ZNF875: variants seen among roughly 807,000 people sequenced by gnomAD.
The protein encoded by ZNF875 is zinc finger protein 875, also known as HKR1, GLI-Kruppel zinc finger family member.
Under a neutral mutation model 11.2 loss-of-function variants are expected in ZNF875, and 14 were observed. The ratio of observed to expected loss-of-function variants is 1.26; its 90% CI spans 0.83 to 1.96. ZNF875 has a LOEUF of 1.96. Ranked by LOEUF, ZNF875 falls within the 30% of genes most tolerant of loss-of-function variation. ZNF875 has a pLI of 0.00. For synonymous variants in ZNF875, 301 were observed against 281.1 expected (o/e 1.07, Z -0.71); for missense variants, 752 against 760.4 (o/e 0.99, Z 0.13).
intron 2 of ZNF875, among the ~76,000 whole-genome samples, chr19:37,341,799 A>G (rs2035776729): frequency 6.6e-6 from 1 of 152,190 alleles, no homozygotes; most frequent in Non-Finnish European, 1.5e-5. Flanking sequence ...ATCCTTTTTG[A>G]GTCAGATACC....
chr19:37,345,316 G>T (rs541008409), intron 2 of ZNF875, among the ~76,000 whole-genome samples: 111 of 152,100 alleles, frequency 7.3e-4, no homozygotes, highest in Middle Eastern at 3.4e-3. Flanking sequence ...GGACTGGCTG[G>T]GTTTGGGGAC....
In ZNF875 at chr19:37,347,274, A is replaced by G. The variant is rs750597615; in HGVS notation, c.118A>G (p.Arg40Gly). The G allele has an allele frequency of 3.1e-6, 5 of 1,614,150 alleles. No individual in the cohort carries two copies. The South Asian group carries it at 4.4e-5, about 14-fold the overall frequency. ...LLSPAQRTLH[R>G]EVMLETYNHL... ...GAGCCCTGCTCAGAGGACCCTGCAC[A>G]GGGAGGTGATGCTGGAGACTTATAA... Residue 40 changes from arginine (R) to glycine (G), a missense_variant, in exon 3 of 5, where the codon AGG becomes GGG. Transcript: ENST00000392153.
At chr19:37,329,489 A>T (rs73025463) in intron 4 of ZNF875, among the ~76,000 whole-genome samples, 1,777 of 152,210 alleles carry the variant, frequency 0.012, 15 homozygotes, top group Middle Eastern at 0.021. Flanking sequence ...CTCCTCGTTG[A>T]CTTCACAGTG....
chr19:37,325,549 A>AT (rs2145737855), intron 4 of ZNF875, among the ~76,000 whole-genome samples: 1 of 144,444 alleles, frequency 6.9e-6, no homozygotes, highest in East Asian at 2.1e-4. Flanking sequence ...GAAATCATTT[A>AT]CTTTTTTTTT....
intron 4 of ZNF875, among the ~76,000 whole-genome samples, chr19:37,327,155 G>T (rs545121847): frequency 6.6e-6 from 1 of 151,748 alleles, no homozygotes; most frequent in South Asian, 2.1e-4. Context: ...ACCATGCCCA[G>T]CTAATTTTTG....
Position 37,352,116 on chromosome 19 carries a change from G to A in ZNF875, c.256+4244G>A, listed in dbSNP as rs554570994. Among the ~76,000 whole-genome samples, 47 of 152,012 alleles carry A rather than the reference G, an allele frequency of 3.1e-4. No homozygotes were observed. The South Asian group carries it at 9.1e-3, about 30-fold the overall frequency. ...GCACATGTACATTAATAATTGTTAC[G>A]TCTTCTTATTGACCTTTTTATCATT... On this transcript the variant is annotated intron_variant, in intron 4 of 4. Coordinates refer to ENST00000392153, the MANE Select transcript of ZNF875 (RefSeq NM_001353803.2).
chr19:37,341,809 C>G (rs184052614), intron 2 of ZNF875, among the ~76,000 whole-genome samples: 77 of 152,272 alleles, frequency 5.1e-4, no homozygotes, highest in Non-Finnish European at 9.7e-4. Flanking sequence ...AGTCAGATAC[C>G]TGTATACTAA....
chr19:37,362,925 G>A lies in ZNF875; in HGVS notation c.1073G>A (p.Arg358Lys), dbSNP rs147086655. 1.2e-5 allele frequency: 19 copies of A among 1,614,176 alleles called. No homozygotes were observed. The highest frequency in any genetic ancestry group is 1.4e-5 in the Non-Finnish European group (17 of 1,180,036). Residue 358 changes from arginine to lysine, a missense_variant, in exon 5 of 5, where the codon AGG becomes AAG. Arg to Lys is a conservative substitution (Grantham distance 26). Coordinates refer to ENST00000392153, the MANE Select transcript of ZNF875 (RefSeq NM_001353803.2). ...AAGTCAAACCTCATTACCCACCAGA[G>A]GGCGCACACTGGGGAGAAGCCTTAT... ...SLKSNLITHQ[R>K]AHTGEKPYVC...
chr19:37,316,432 C>A (rs2030193878), upstream of ZNF875, among the ~76,000 whole-genome samples: 1 of 152,168 alleles, frequency 6.6e-6, no homozygotes, highest in Non-Finnish European at 1.5e-5. Context: ...TGCAATATCG[C>A]GATCTCGGCT....
Position 37,335,153 on chromosome 19 carries a change from C to G in ZNF875, c.-56-16C>G. The G allele has an allele frequency of 2.9e-6, 2 of 698,338 alleles. No individual in the cohort carries two copies. Among genetic ancestry groups the G allele is most frequent in the Non-Finnish European group, 5.2e-6 (2 of 381,690 alleles). 43.3% of individuals were successfully genotyped at this position (698,338 alleles called of 1,614,324 possible). Reference sequence around the variant, plus strand: ...GTTTCCACCTAGGCCACTCTTATTTCTCTTCACATCCCCAGATCTGTCTTC... The same window carrying G: ...GTTTCCACCTAGGCCACTCTTATTTGTCTTCACATCCCCAGATCTGTCTTC... On this transcript the variant is annotated splice_polypyrimidine_tract_variant and intron_variant, in intron 1 of 4. Transcript: ENST00000392153.
At chr19:37,327,788 C>T (rs1484580645) in intron 4 of ZNF875, among the ~76,000 whole-genome samples, 1 of 150,466 alleles carries the variant, frequency 6.6e-6, no homozygotes, top group African/African-American at 2.4e-5. Flanking sequence ...ATCATACTCG[C>T]TCGTATCAAA....
upstream of ZNF875, among the ~76,000 whole-genome samples, chr19:37,332,645 C>A (rs912161911): frequency 6.6e-6 from 1 of 152,190 alleles, no homozygotes; most frequent in Non-Finnish European, 1.5e-5. Context: ...GTTTGCAGGC[C>A]AGTTTCTTCT....
chr19:37,336,692 A>G (rs2034509323), intron 2 of ZNF875, among the ~76,000 whole-genome samples: 2 of 149,016 alleles, frequency 1.3e-5, no homozygotes, highest in South Asian at 2.2e-4. Flanking sequence ...GCGAATCACG[A>G]GGTCAGGAGA....
intron 2 of ZNF875, chr19:37,346,865 CTTTT>C (rs10577168): frequency 1.0e-3 from 219 of 213,980 alleles, no homozygotes; most frequent in South Asian, 4.0e-3. Context: ...ACCTCTCATT[CTTTT>C]TTTTTTTTTT....
At position 37,363,043 on chromosome 19, in the gene ZNF875, G is replaced by A. The variant is rs781182317; in HGVS notation, c.1191G>A (p.Arg397=). Residue 397 remains arginine, a synonymous_variant, in exon 5 of 5, where the codon AGG becomes AGA. Coordinates refer to ENST00000392153, the MANE Select transcript of ZNF875 (RefSeq NM_001353803.2). ...CAGGAGAGAAGCCTTACATTTGCAG[G>A]GAGTGTGAGCAAGGCTTTAGCCAGA... ...THSGEKPYIC[R]ECEQGFSQKS... 2 of 1,614,040 alleles carry A rather than the reference G, an allele frequency of 1.2e-6. No homozygotes were observed. Among genetic ancestry groups the A allele is most frequent in the Non-Finnish European group, 1.7e-6 (2 of 1,179,990 alleles).
intron 4 of ZNF875, 142 bp downstream of exon 4, chr19:37,348,014 G>C: frequency 1.7e-6 from 1 of 597,192 alleles, no homozygotes; most frequent in Non-Finnish European, 3.0e-6. Context: ...TCTTCTTTCC[G>C]GAACATAATC....
upstream of ZNF875, among the ~76,000 whole-genome samples, chr19:37,331,186 C>CAAAA (rs71177440): frequency 1.3e-5 from 1 of 74,768 alleles, no homozygotes. Flanking sequence ...GACTCTGTCT[C>CAAAA]AAAAAAAAAA....
intron 2 of ZNF875, chr19:37,344,691 G>T (rs1245192015): frequency 6.2e-7 from 1 of 1,613,814 alleles, no homozygotes. Flanking sequence ...AATCATGAGG[G>T]TCAACCACAC....
At position 37,362,478 on chromosome 19, in the gene ZNF875, A is replaced by G; in HGVS notation, c.626A>G (p.Glu209Gly). 1 of 1,614,244 alleles carries G rather than the reference A, an allele frequency of 6.2e-7. No individual in the cohort carries two copies. Among genetic ancestry groups the G allele is most frequent in the Non-Finnish European group, 8.5e-7 (1 of 1,180,040 alleles). The change falls in exon 5 of 5, where the codon GAG becomes GGG. Residue 209 changes from glutamate to glycine, a missense_variant. Coordinates refer to ENST00000392153, the MANE Select transcript of ZNF875 (RefSeq NM_001353803.2). ...AGCCCTGAACGGAGGGCAGATCTAG[A>G]GGAAACAGACAAAGTATTGCATGGT... ...GSSPERRADL[E>G]ETDKVLHGLE...
Sources: gnomAD v4.1 joint callset for allele counts (sites outside exome capture counted in the v4.1 genomes callset) on GRCh38, gnomAD v4.1.1 for gene constraint, MANE v1.5 for transcripts, NCBI Gene and HGNC (gene_info 2026-07-23, HGNC 2026-07-21) for gene names.